NDUFS2: variants seen among roughly 807,000 people sequenced by gnomAD.
NDUFS2 encodes the protein NADH:ubiquinone oxidoreductase core subunit S2, also known as NADH dehydrogenase [ubiquinone] iron-sulfur protein 2, mitochondrial.
NDUFS2 carries 38 observed loss-of-function variants against 69.6 expected under a neutral mutation model. That is an observed-to-expected ratio of 0.55 (90% CI 0.42 to 0.72). NDUFS2 has a LOEUF of 0.72. Ranked by LOEUF, NDUFS2 falls within the 30% of genes least tolerant of loss-of-function variation. NDUFS2 has a pLI of 0.00. For synonymous variants in NDUFS2, 194 were observed against 211.2 expected (o/e 0.92, Z 0.70); for missense variants, 468 against 595.0 (o/e 0.79, Z 2.22).
At position 161,209,221 on chromosome 1, in the gene NDUFS2, ATG is replaced by A. The variant is rs1665635332; in HGVS notation, c.426_427del (p.Ser143HisfsTer4). 1 of 1,613,940 alleles carries A rather than the reference ATG, an allele frequency of 6.2e-7. No homozygotes were observed. The highest frequency in any genetic ancestry group is 1.7e-5 in the Admixed American group (1 of 59,978). On this transcript the variant is annotated frameshift_variant, in exon 4 of 14. Coordinates refer to ENST00000676972, the MANE Select transcript of NDUFS2 (RefSeq NM_001377299.1). LOFTEE classifies it high-confidence loss of function. ...CTTCCATACTTTGACCGGCTAGACTATGTGTCCATGATGTGTAACGAACAGGC... is the reference window on the plus strand; with the variant it reads ...CTTCCATACTTTGACCGGCTAGACTATGTCCATGATGTGTAACGAACAGGC...
At chr1:161,211,077 G>A (rs1222702961) in intron 9 of NDUFS2, among the ~76,000 whole-genome samples, 3 of 152,116 alleles carry the variant, frequency 2.0e-5, no homozygotes, top group African/African-American at 7.2e-5. Context: ...ATTTCTCCAT[G>A]TTGGTCAGGC....
At position 161,213,437 on chromosome 1, in the gene NDUFS2, C is replaced by G. The variant is rs770969130; in HGVS notation, c.1174C>G (p.Pro392Ala). The change falls in exon 11 of 14, where the codon CCT becomes GCT. Residue 392 changes from proline to alanine, a missense_variant. Around this residue, in one of 3 missense-constraint regions of NDUFS2, gnomAD observed 72 missense variants for 118.9 expected, o/e 0.61. Coordinates refer to ENST00000676972, the MANE Select transcript of NDUFS2 (RefSeq NM_001377299.1). ...GTTGTATACTGAGGGCTACCAAGTT[C>G]CTCCAGGAGCCACATATACTGCCAT... is the stretch of plus-strand genomic sequence containing the variant. ...FKLYTEGYQVPPGATYTAIEA... is the reference protein window; with the variant it reads ...FKLYTEGYQVAPGATYTAIEA... The G allele has an allele frequency of 6.2e-7, 1 of 1,610,928 alleles. No individual in the cohort carries two copies. Among genetic ancestry groups the G allele is most frequent in the Admixed American group, 1.7e-5 (1 of 59,750 alleles).
In NDUFS2 at chr1:161,202,417, G is replaced by A. The variant is rs1665183200; in HGVS notation, c.32G>A (p.Arg11Gln). ...GCGCTGAGGGCTTTGTGCGGCTTCC[G>A]GGGCGTCGCGGCCCAGGTGCTGCGG... MAALRALCGF[R>Q]GVAAQVLRPG... Residue 11 changes from arginine (R) to glutamine (Q), a missense_variant, in exon 1 of 14, where the codon CGG becomes CAG. Around this residue, in one of 3 missense-constraint regions of NDUFS2, gnomAD observed 57 missense variants for 42.3 expected, o/e 1.35. Transcript: ENST00000676972. The A allele has an allele frequency of 6.2e-7, 1 of 1,612,750 alleles. No individual in the cohort carries two copies. Among genetic ancestry groups the A allele is most frequent in the Non-Finnish European group, 8.5e-7 (1 of 1,179,688 alleles).
At chr1:161,205,706 T>C (rs1233264404) in intron 2 of NDUFS2, among the ~76,000 whole-genome samples, 1 of 151,022 alleles carries the variant, frequency 6.6e-6, no homozygotes, top group African/African-American at 2.4e-5. Flanking sequence ...AGGCAGACAT[T>C]GCAGTGAGCC....
rs1393909887 is a variant in NDUFS2 at position 161,209,900 on chromosome 1, C to G, written c.671C>G (p.Ala224Gly). The G allele has an allele frequency of 1.9e-6, 3 of 1,613,986 alleles. No individual in the cohort carries two copies. The African/African-American group carries it at 4.0e-5, about 22-fold the overall frequency. The stretch of plus-strand genomic sequence containing the variant: ...CGAGTGTCTGGAGCCCGAATGCATG[C>G]TGCTTATATCCGGCCAGGAGGAGTG... ...YERVSGARMH[A>G]AYIRPGGVHQ... Residue 224 changes from alanine (A) to glycine (G), a missense_variant, in exon 6 of 14, where the codon GCT (alanine) becomes GGT (glycine). By Grantham distance (60) the Ala-to-Gly change is moderately conservative (BLOSUM62 0). This residue lies in a region of NDUFS2 where 339 missense variants were observed against 433.8 expected (regional missense o/e 0.78). Coordinates refer to ENST00000676972, the MANE Select transcript of NDUFS2 (RefSeq NM_001377299.1).
At chr1:161,202,951 A>G (rs145845642) in intron 1 of NDUFS2, among the ~76,000 whole-genome samples, 108 of 152,190 alleles carry the variant, frequency 7.1e-4, no homozygotes, top group African/African-American at 2.4e-3. Context: ...TGGAACCTCT[A>G]GAGTTCCAGC....
chr1:161,210,215 C>T, intron 7 of NDUFS2, 27 bp downstream of exon 7: 1 of 1,612,038 alleles, frequency 6.2e-7, no homozygotes, highest in East Asian at 2.2e-5. Flanking sequence ...TGGGAAAAAT[C>T]TCTCCCCCAC....
At chr1:161,214,036 C>G (rs1665918055) in intron 13 of NDUFS2, 115 bp downstream of exon 13, 1 of 1,613,286 alleles carries the variant, frequency 6.2e-7, no homozygotes, top group Admixed American at 1.7e-5. Context: ...GACTCGGGTC[C>G]TCAATCTTTT....
upstream of NDUFS2, chr1:161,198,722 G>C: frequency 8.2e-7 from 1 of 1,222,084 alleles, no homozygotes; most frequent in Non-Finnish European, 1.1e-6. The surrounding 1 kb of genome is among the most constrained non-coding windows in gnomAD (Gnocchi z 4.7). Flanking sequence ...TAGCCTGGGG[G>C]CTTGGACTCC....
At chr1:161,199,004 CTCTG>C (rs1665000045), upstream of NDUFS2, 1 of 200,752 alleles carries the variant, frequency 5.0e-6, no homozygotes, top group African/African-American at 2.3e-5. Context: ...CTCTTTCCTC[CTCTG>C]TCTCTCTCGT....
At chr1:161,210,735 T>C in intron 9 of NDUFS2, 25 bp downstream of exon 9, 1 of 1,613,850 alleles carries the variant, frequency 6.2e-7, no homozygotes. Context: ...CTTTCTTGGC[T>C]GATATTCCAG....
Position 161,213,391 on chromosome 1 carries a change from G to A in NDUFS2, c.1128G>A (p.Glu376=), listed in dbSNP as rs190822267. Residue 376 remains glutamate (E), a synonymous_variant, in exon 11 of 14, where the codon GAG becomes GAA. Transcript: ENST00000676972. ...PKRAEMKTSM[E]SLIHHFKLYT... is the part of the protein sequence containing the mutation. ...TTTCCTCTCTTCAGACTTCCATGGA[G>A]TCACTGATTCATCACTTTAAGTTGT... The A allele has an allele frequency of 1.4e-5, 22 of 1,609,354 alleles. No individual in the cohort carries two copies. Among genetic ancestry groups the A allele is most frequent in the Non-Finnish European group, 1.7e-5 (20 of 1,177,118 alleles).
intron 10 of NDUFS2, among the ~76,000 whole-genome samples, chr1:161,212,868 A>C (rs902441783): frequency 3.3e-5 from 5 of 151,930 alleles, no homozygotes; most frequent in Non-Finnish European, 5.9e-5. Flanking sequence ...TTCTTTTAAT[A>C]GAGAATTTAC....
upstream of NDUFS2, chr1:161,197,857 T>G: frequency 3.1e-6 from 4 of 1,308,052 alleles, no homozygotes; most frequent in Non-Finnish European, 4.1e-6. Flanking sequence ...AGGAGGCTCA[T>G]GGAGAAAGGA....
chr1:161,213,638 TC>T lies in NDUFS2; in HGVS notation c.1213-9del, dbSNP rs750838845. The T allele has an allele frequency of 2.2e-5, 35 of 1,613,748 alleles. No individual in the cohort carries two copies. The highest frequency in any genetic ancestry group is 2.8e-5 in the Non-Finnish European group (33 of 1,179,752). On this transcript the variant is annotated splice_polypyrimidine_tract_variant and intron_variant, in intron 11 of 13. Coordinates refer to ENST00000676972, the MANE Select transcript of NDUFS2 (RefSeq NM_001377299.1). ...TGTTAATACAGACACCCAACCTTCT[TC>T]CTTGAACAGGGAGAGTTTGGGGTGT...
At chr1:161,203,641 G>A in intron 2 of NDUFS2, 98 bp downstream of exon 2, 1 of 1,056,400 alleles carries the variant, frequency 9.5e-7, no homozygotes, top group Admixed American at 2.0e-5. Flanking sequence ...TGTCTCCCTG[G>A]CTGGAGTGCA....
Position 161,213,915 on chromosome 1 carries a change from A to G in NDUFS2, c.1348A>G (p.Ile450Val), listed in dbSNP as rs768557316. 9.3e-6 allele frequency: 15 copies of G among 1,614,234 alleles called. No homozygotes were observed. Among genetic ancestry groups the G allele is most frequent in the Non-Finnish European group, 1.1e-5 (13 of 1,180,044 alleles). The change falls in exon 13 of 14, where the codon ATC (isoleucine) becomes GTC (valine). Residue 450 changes from isoleucine to valine, a missense_variant. Ile to Val is a conservative substitution (Grantham distance 29). Coordinates refer to ENST00000676972, the MANE Select transcript of NDUFS2 (RefSeq NM_001377299.1). ...KGHMLADVVA[I>V]IGTQDIVFGE... is the part of the protein sequence containing the mutation. ...ACACATGTTGGCAGATGTCGTTGCC[A>G]TCATAGGTACGAGGCCTATTGTGTA...
chr1:161,201,509 C>A (rs1285722030), upstream of NDUFS2, among the ~76,000 whole-genome samples: 1 of 152,226 alleles, frequency 6.6e-6, no homozygotes, highest in Non-Finnish European at 1.5e-5. Context: ...TTTGTCCATA[C>A]AGAATTGTGA....
Position 161,206,422 on chromosome 1 carries a change from A to G in NDUFS2, c.218A>G (p.Lys73Arg), listed in dbSNP as rs756624832. The G allele has an allele frequency of 1.2e-6, 2 of 1,614,244 alleles. No individual in the cohort carries two copies. The highest frequency in any genetic ancestry group is 8.5e-7 in the Non-Finnish European group (1 of 1,180,040). The stretch of plus-strand genomic sequence containing the variant: ...TACTTCTCAGATGTGGACCCTCCAA[A>G]GGACACAATTGTGAAGAACATTACC... ...PPPWNDVDPP[K>R]DTIVKNITLN... The change falls in exon 3 of 14, where the codon AAG becomes AGG. Residue 73 changes from lysine to arginine, a missense_variant. By Grantham distance (26) the Lys-to-Arg change is conservative. This residue lies in a region of NDUFS2 where 339 missense variants were observed against 433.8 expected (regional missense o/e 0.78). Transcript: ENST00000676972.
Sources: allele counts gnomAD v4.1 joint callset (sites outside exome capture counted in the v4.1 genomes callset), GRCh38; gene constraint gnomAD v4.1.1; regional missense constraint gnomAD v4.1.1; non-coding constraint Gnocchi (gnomAD v3.1); transcripts MANE v1.5; gene names NCBI Gene and HGNC (gene_info 2026-07-23, HGNC 2026-07-21).